TMOD3: variants seen among roughly 807,000 people sequenced by gnomAD.
TMOD3 encodes tropomodulin 3.
TMOD3 carries 20 observed loss-of-function variants against 39.2 expected under a neutral mutation model. The ratio of observed to expected loss-of-function variants is 0.51; its 90% CI spans 0.36 to 0.74. TMOD3 has a LOEUF of 0.74. Among genes scored for constraint, TMOD3 ranks in the 30% least tolerant of loss-of-function variants. The probability of loss-of-function intolerance (pLI) is 0.00; values close to 1 mark genes in which losing one functional copy is unlikely to be tolerated. For synonymous variants in TMOD3, 143 were observed against 145.8 expected (o/e 0.98, Z 0.14); for missense variants, 381 against 412.8 (o/e 0.92, Z 0.67).
chr15:51,887,573 A>AG lies in TMOD3; in HGVS notation c.284-16_284-15insG. 1 of 1,608,034 alleles carries AG rather than the reference A, an allele frequency of 6.2e-7. No homozygotes were observed. Among genetic ancestry groups the AG allele is most frequent in the African/African-American group, 1.3e-5 (1 of 74,494 alleles). ...TAGCAGTAGTAATGGAATTAACAAA[A>AG]TGCTTTATTTTACAGGGAAAATATT... On this transcript the variant is annotated splice_polypyrimidine_tract_variant and intron_variant, in intron 3 of 9. Coordinates refer to ENST00000308580, the MANE Select transcript of TMOD3 (RefSeq NM_014547.5).
At chr15:51,903,571 A>G (rs751210564) in intron 9 of TMOD3, among the ~76,000 whole-genome samples, 5 of 152,212 alleles carry the variant, frequency 3.3e-5, no homozygotes, top group Admixed American at 6.5e-5. Flanking sequence ...GTTTCCCAGA[A>G]GAGATGTTAG....
chr15:51,884,216 T>C (rs1337094724), intron 3 of TMOD3, among the ~76,000 whole-genome samples: 1 of 152,166 alleles, frequency 6.6e-6, no homozygotes, highest in Non-Finnish European at 1.5e-5. Flanking sequence ...AATGGGGCCA[T>C]TGGACTGAAG....
At chr15:51,872,529 A>G (rs887679901) in intron 3 of TMOD3, among the ~76,000 whole-genome samples, 2 of 151,430 alleles carry the variant, frequency 1.3e-5, no homozygotes, top group Admixed American at 1.3e-4. Context: ...TTTGAACTTT[A>G]TATCGATGGA....
At chr15:51,832,203 TTATATATATATATATATA>T (rs3985812) in intron 1 of TMOD3, among the ~76,000 whole-genome samples, 4 of 79,334 alleles carry the variant, frequency 5.0e-5, no homozygotes, top group South Asian at 4.0e-4. Flanking sequence ...AGAAAAAAAA[TTATATATATATATATATA>T]TATATATATA....
At chr15:51,858,535 G>T (rs1297883425) in intron 1 of TMOD3, among the ~76,000 whole-genome samples, 1 of 151,900 alleles carries the variant, frequency 6.6e-6, no homozygotes, top group African/African-American at 2.4e-5. Flanking sequence ...CTGCAATGTA[G>T]TATCTGCATA....
intron 1 of TMOD3, among the ~76,000 whole-genome samples, chr15:51,834,387 C>T (rs1235641444): frequency 6.6e-6 from 1 of 152,072 alleles, no homozygotes; most frequent in Non-Finnish European, 1.5e-5. Context: ...GCTTTTTCTT[C>T]TAGAAACTTT....
At chr15:51,844,200 T>C (rs1040437091) in intron 1 of TMOD3, among the ~76,000 whole-genome samples, 8 of 152,226 alleles carry the variant, frequency 5.3e-5, no homozygotes, top group African/African-American at 1.9e-4. Context: ...CTAGTTTATC[T>C]CTGGTTCTTG....
At chr15:51,880,509 T>TA (rs1355443267) in intron 3 of TMOD3, among the ~76,000 whole-genome samples, 1 of 152,216 alleles carries the variant, frequency 6.6e-6, no homozygotes, top group African/African-American at 2.4e-5. Flanking sequence ...TTCCATTCCC[T>TA]AGCCCTTGAC....
chr15:51,888,069 T>A (rs1350322102), intron 4 of TMOD3, among the ~76,000 whole-genome samples: 1 of 152,236 alleles, frequency 6.6e-6, no homozygotes, highest in Admixed American at 6.5e-5. Flanking sequence ...CTGACCTACT[T>A]TATCAGAAGA....
intron 3 of TMOD3, among the ~76,000 whole-genome samples, chr15:51,876,663 G>A (rs995564641): frequency 8.6e-5 from 13 of 151,742 alleles, no homozygotes; most frequent in Admixed American, 5.9e-4. Context: ...GGGTTTCACC[G>A]TGTTAGCCAG....
chr15:51,832,839 G>C (rs533449762), intron 1 of TMOD3, among the ~76,000 whole-genome samples: 2 of 152,174 alleles, frequency 1.3e-5, no homozygotes, highest in Non-Finnish European at 2.9e-5. Flanking sequence ...GTGTCAGTCT[G>C]ATGTATACTG....
intron 2 of TMOD3, among the ~76,000 whole-genome samples, chr15:51,863,469 T>C (rs752932860): frequency 5.3e-5 from 8 of 152,224 alleles, no homozygotes; most frequent in African/African-American, 1.4e-4. Flanking sequence ...TTTCCAGACA[T>C]TGGTAGAATA....
chr15:51,882,549 C>T lies in TMOD3; in HGVS notation c.284-5040C>T, dbSNP rs367987697. ...ACTTTGCATGTGATTGTGCAGTTGTCGTAGTACCATTTGTTGAAACACTGT... is the reference window on the plus strand; with the variant it reads ...ACTTTGCATGTGATTGTGCAGTTGTTGTAGTACCATTTGTTGAAACACTGT... On this transcript the variant is annotated intron_variant, in intron 3 of 9. Transcript: ENST00000308580. 3.9e-5 allele frequency among the ~76,000 whole-genome samples: 6 copies of T among 152,118 alleles called. No homozygotes were observed. The East Asian group carries it at 5.8e-4, about 15-fold the overall frequency.
intron 1 of TMOD3, among the ~76,000 whole-genome samples, chr15:51,854,590 A>G (rs2056378857): frequency 6.6e-6 from 1 of 152,216 alleles, no homozygotes; most frequent in African/African-American, 2.4e-5. Context: ...ACAAATATAA[A>G]GCTTGAAGAA....
chr15:51,843,623 A>C (rs901525356), intron 1 of TMOD3, among the ~76,000 whole-genome samples: 2 of 152,112 alleles, frequency 1.3e-5, no homozygotes, highest in African/African-American at 4.8e-5. Flanking sequence ...AGGTTCCAGA[A>C]GTTTCTCTAG....
intron 3 of TMOD3, among the ~76,000 whole-genome samples, chr15:51,886,782 G>C (rs577421413): frequency 6.6e-6 from 1 of 152,202 alleles, no homozygotes; most frequent in African/African-American, 2.4e-5. Context: ...GTTCGTGTAC[G>C]TTGAGGCTTA....
At chr15:51,845,261 G>A (rs1313993249) in intron 1 of TMOD3, among the ~76,000 whole-genome samples, 1 of 152,148 alleles carries the variant, frequency 6.6e-6, no homozygotes, top group Non-Finnish European at 1.5e-5. Flanking sequence ...TCTGTGCTCA[G>A]TGAAAAAAAG....
At chr15:51,861,043 C>CA in intron 1 of TMOD3, 2 of 714,684 alleles carry the variant, frequency 2.8e-6, no homozygotes, top group Non-Finnish European at 2.3e-6. Flanking sequence ...ATAGAATTCT[C>CA]AATCTCATCC....
intron 9 of TMOD3, 35 bp downstream of exon 9, chr15:51,902,071 A>G (rs532360771): frequency 4.2e-5 from 68 of 1,608,028 alleles, no homozygotes; most frequent in Admixed American, 6.9e-5. Flanking sequence ...TCTGAGTTCT[A>G]TCACAAGCTA....
Sources: allele counts gnomAD v4.1 joint callset (sites outside exome capture counted in the v4.1 genomes callset), GRCh38; gene constraint gnomAD v4.1.1; transcripts MANE v1.5; gene names NCBI Gene and HGNC (gene_info 2026-07-23, HGNC 2026-07-21).